The following ST13 variants were observed in gnomAD, a reference collection of about 807,000 sequenced individuals.
The protein encoded by ST13 is hsc70-interacting protein.
In ST13, 23 loss-of-function variants were observed where a neutral mutation model predicts 56.7. The ratio of observed to expected loss-of-function variants is 0.41; its 90% confidence interval spans 0.29 to 0.57. ST13 has a LOEUF of 0.57. Among genes scored for constraint, ST13 ranks in the 20% least tolerant of loss-of-function variants. ST13 has a pLI of 0.36. For synonymous variants in ST13, 132 were observed against 142.4 expected (o/e 0.93, Z 0.52); for missense variants, 369 against 459.9 (o/e 0.80, Z 1.81).
intron 4 of ST13, among the ~76,000 whole-genome samples, chr22:40,841,208 A>G (rs1265869422): frequency 1.3e-5 from 2 of 151,764 alleles, no homozygotes; most frequent in Non-Finnish European, 2.9e-5. Context: ...AAAAAGAAAA[A>G]AAAAAAAAAA....
Sources: allele counts gnomAD v4.1 joint callset (sites outside exome capture counted in the v4.1 genomes callset), GRCh38; gene constraint gnomAD v4.1.1; transcripts MANE v1.5; gene names NCBI Gene and HGNC (gene_info 2026-07-23, HGNC 2026-07-21).